The following MCPH1 variants were observed in gnomAD, a reference collection of about 807,000 sequenced individuals.
MCPH1 encodes microcephalin.
Under a neutral mutation model 84.5 loss-of-function variants are expected in MCPH1, and 104 were observed. That is an observed-to-expected ratio of 1.23 (90% CI 1.05 to 1.45). The LOEUF is 1.45. Among genes scored for constraint, MCPH1 ranks in the 40% most tolerant of loss-of-function variants. The probability of loss-of-function intolerance (pLI) is 0.00; values close to 1 mark genes in which losing one functional copy is unlikely to be tolerated. For synonymous variants in MCPH1, 514 were observed against 366.8 expected (o/e 1.40, Z -4.58); for missense variants, 1,498 against 1,005.7 (o/e 1.49, Z -6.62).
chr8:6,492,088 C>G (rs1243714651), intron 11 of MCPH1, among the ~76,000 whole-genome samples: 1 of 152,328 alleles, frequency 6.6e-6, no homozygotes, highest in Middle Eastern at 3.4e-3. Flanking sequence ...TTTACAGTCC[C>G]ACTAGCAATG....
chr8:6,615,875 CCT>C (rs1440286340), intron 12 of MCPH1: 1 of 152,030 alleles, frequency 6.6e-6, no homozygotes, highest in Non-Finnish European at 1.5e-5. Context: ...TTAGAGAACC[CCT>C]GAGTGCTGGG....
At chr8:6,566,411 A>C (rs7817089) in intron 12 of MCPH1, among the ~76,000 whole-genome samples, 1,883 of 151,890 alleles carry the variant, frequency 0.012, 35 homozygotes, top group African/African-American at 0.043. Flanking sequence ...AAGGCCATCC[A>C]CAGTCCACAC....
At chr8:6,637,196 T>A (rs769908294) in intron 13 of MCPH1, among the ~76,000 whole-genome samples, 4 of 152,204 alleles carry the variant, frequency 2.6e-5, no homozygotes, top group African/African-American at 4.8e-5. Context: ...TATACAGCCT[T>A]TGCCCTTGTG....
chr8:6,500,189 C>A, intron 12 of MCPH1: 16 of 461,576 alleles, frequency 3.5e-5, no homozygotes, highest in African/African-American at 7.9e-5. Flanking sequence ...CTGAGAAAAA[C>A]AAAAATGAAA....
In MCPH1 at chr8:6,590,845, C is replaced by T. The variant is rs117657617; in HGVS notation, c.2215-30609C>T. ...GGCCAGTGGAGACTGGCTTCAGACTCGGGCCTTTGGACCTCAAGGCCCTGG... is the reference window on the plus strand; with the variant it reads ...GGCCAGTGGAGACTGGCTTCAGACTTGGGCCTTTGGACCTCAAGGCCCTGG... On this transcript the variant is annotated intron_variant, in intron 12 of 13. Coordinates refer to ENST00000344683, the MANE Select transcript of MCPH1 (RefSeq NM_024596.5). Among the ~76,000 whole-genome samples, 584 of 152,274 alleles carry T rather than the reference C, an allele frequency of 3.8e-3. 1 individual carries two copies. Among genetic ancestry groups the T allele is most frequent in the Middle Eastern group, 0.01 (3 of 294 alleles).
At chr8:6,487,823 G>A (rs748996107) in intron 11 of MCPH1, among the ~76,000 whole-genome samples, 2 of 152,186 alleles carry the variant, frequency 1.3e-5, no homozygotes, top group African/African-American at 4.8e-5. Flanking sequence ...CACATGCACT[G>A]TCTCACTGGA....
intron 11 of MCPH1, among the ~76,000 whole-genome samples, chr8:6,497,433 A>T (rs1811362976): frequency 1.3e-5 from 2 of 152,142 alleles, no homozygotes; most frequent in African/African-American, 2.4e-5. Flanking sequence ...AACCTGGGAG[A>T]CGATGCTGCA....
At chr8:6,572,642 C>G (rs1441085360) in intron 12 of MCPH1, among the ~76,000 whole-genome samples, 1 of 152,178 alleles carries the variant, frequency 6.6e-6, no homozygotes, top group Non-Finnish European at 1.5e-5. Context: ...ATACATAGAC[C>G]TAGGAGCTGT....
chr8:6,589,170 A>G (rs1176315736), intron 12 of MCPH1, among the ~76,000 whole-genome samples: 1 of 152,250 alleles, frequency 6.6e-6, no homozygotes, highest in African/African-American at 2.4e-5. Flanking sequence ...ATAGATGGTC[A>G]GGAAATGTAG....
At chr8:6,590,173 C>T (rs1028212220) in intron 12 of MCPH1, among the ~76,000 whole-genome samples, 5 of 146,352 alleles carry the variant, frequency 3.4e-5, no homozygotes, top group African/African-American at 1.0e-4. Context: ...TTTTCAAGAG[C>T]ATGGAAGAGT....
intron 12 of MCPH1, among the ~76,000 whole-genome samples, chr8:6,602,405 C>T (rs778105696): frequency 6.6e-6 from 1 of 151,906 alleles, no homozygotes; most frequent in Non-Finnish European, 1.5e-5. Context: ...CAGAGGTGTC[C>T]GCAGGACACC....
chr8:6,632,605 C>G (rs113855390), intron 13 of MCPH1, among the ~76,000 whole-genome samples: 6 of 152,064 alleles, frequency 3.9e-5, no homozygotes, highest in South Asian at 2.1e-4. Context: ...GTCAGGAGAT[C>G]GAGACCATCC....
intron 8 of MCPH1, among the ~76,000 whole-genome samples, chr8:6,454,532 C>T (rs1805469913): frequency 6.6e-6 from 1 of 152,214 alleles, no homozygotes; most frequent in Non-Finnish European, 1.5e-5. Context: ...TCAAAGTACA[C>T]ATTTCACATT....
At chr8:6,417,111 A>G (rs1799417817) in intron 3 of MCPH1, among the ~76,000 whole-genome samples, 1 of 152,142 alleles carries the variant, frequency 6.6e-6, no homozygotes, top group African/African-American at 2.4e-5. Context: ...GATTTTACAG[A>G]ACTTGTTGAA....
intron 12 of MCPH1, among the ~76,000 whole-genome samples, chr8:6,613,599 C>T (rs182891712): frequency 2.0e-5 from 3 of 149,606 alleles, no homozygotes; most frequent in Admixed American, 6.6e-5. Context: ...TGCAGTTCCC[C>T]GGGGAGACAG....
At chr8:6,442,202 A>G (rs759390345) in intron 7 of MCPH1, 46 bp downstream of exon 7, 14 of 1,223,792 alleles carry the variant, frequency 1.1e-5, no homozygotes, top group Admixed American at 6.9e-5. Context: ...AGTTTTGAGA[A>G]TAATATGATT....
intron 12 of MCPH1, among the ~76,000 whole-genome samples, chr8:6,590,949 T>C (rs1828407956): frequency 6.6e-6 from 1 of 152,254 alleles, no homozygotes; most frequent in South Asian, 2.1e-4. Flanking sequence ...TTGCCCAGGC[T>C]GGAGTCCAAT....
intron 11 of MCPH1, among the ~76,000 whole-genome samples, chr8:6,492,096 A>C (rs1385296589): frequency 6.6e-6 from 1 of 152,156 alleles, no homozygotes; most frequent in African/African-American, 2.4e-5. Flanking sequence ...CCCACTAGCA[A>C]TGTAAAAGTG....
chr8:6,623,719 C>A (rs199969726), intron 13 of MCPH1, among the ~76,000 whole-genome samples: 395 of 6,698 alleles, frequency 0.059, 55 homozygotes, highest in Non-Finnish European at 0.078. Context: ...AAAAAAAAAA[C>A]TATTGATTTT....
Sources: gnomAD v4.1 joint callset for allele counts (sites outside exome capture counted in the v4.1 genomes callset) on GRCh38, gnomAD v4.1.1 for gene constraint, MANE v1.5 for transcripts, NCBI Gene and HGNC (gene_info 2026-07-23, HGNC 2026-07-21) for gene names.